Variants in IQCE observed in about 807,000 individuals in gnomAD.
IQCE encodes the protein IQ motif containing E.
Under a neutral mutation model 96.0 loss-of-function variants are expected in IQCE, and 115 were observed. The observed-to-expected ratio is 1.20, with a 90% CI of 1.03 to 1.40. The LOEUF is 1.40. IQCE is among the 40% of genes most tolerant of loss of function. The pLI, the probability that IQCE is intolerant of heterozygous loss-of-function variation, is 0.00. For missense variants in IQCE, 1,041 were observed against 909.1 expected (o/e 1.15, Z -1.87); for synonymous variants, 412 against 371.2 (o/e 1.11, Z -1.26).
chr7:2,577,752 C>T (rs375424402), intron 6 of IQCE, among the ~76,000 whole-genome samples: 4,885 of 104,980 alleles, frequency 0.047, 121 homozygotes, highest in Admixed American at 0.08. Context: ...TTGGCGTGTG[C>T]GTGGCTGTGC....
chr7:2,595,043 C>T (rs897041736), intron 16 of IQCE, 67 bp downstream of exon 16: 35 of 1,113,702 alleles, frequency 3.1e-5, no homozygotes, highest in Admixed American at 8.5e-5. Flanking sequence ...CGGTTCTGAC[C>T]GTTTCCCTGT....
Position 2,587,808 on chromosome 7 carries a change from A to G in IQCE, c.989-14A>G. On this transcript the variant is annotated splice_polypyrimidine_tract_variant and intron_variant, in intron 12 of 21. Coordinates refer to ENST00000402050, the MANE Select transcript of IQCE (RefSeq NM_152558.5). The stretch of plus-strand genomic sequence containing the variant: ...CACCAGGATGCCGTTTTGAAACCGC[A>G]TTGCTTCCATCAGGTTATGTGGAGT... The G allele has an allele frequency of 6.2e-7, 1 of 1,613,792 alleles. No homozygotes were observed. The highest frequency in any genetic ancestry group is 8.5e-7 in the Non-Finnish European group (1 of 1,179,816).
At chr7:2,561,656 C>T (rs369114093) in intron 1 of IQCE, among the ~76,000 whole-genome samples, 10 of 151,502 alleles carry the variant, frequency 6.6e-5, no homozygotes, top group African/African-American at 2.4e-4. Flanking sequence ...CTCCTGACCT[C>T]GTGATGCACC....
At chr7:2,572,071 C>A in intron 4 of IQCE, 121 bp from the exon 5 acceptor site, 1 of 1,078,422 alleles carries the variant, frequency 9.3e-7, no homozygotes, top group Non-Finnish European at 1.4e-6. Context: ...CAGCACGACA[C>A]TGACGGCTGG....
intron 14 of IQCE, among the ~76,000 whole-genome samples, chr7:2,592,205 T>G (rs1011164092): frequency 1.3e-5 from 2 of 152,182 alleles, no homozygotes; most frequent in Admixed American, 1.3e-4. Flanking sequence ...ACCACTGTCC[T>G]TACCCCTCAC....
intron 16 of IQCE, among the ~76,000 whole-genome samples, chr7:2,595,352 C>T (rs1329987106): frequency 6.6e-6 from 1 of 152,162 alleles, no homozygotes; most frequent in Non-Finnish European, 1.5e-5. Flanking sequence ...TGCGTCCTCT[C>T]CTCTCATCTA....
intron 9 of IQCE, among the ~76,000 whole-genome samples, chr7:2,583,395 C>G (rs1469725310): frequency 6.6e-6 from 1 of 152,096 alleles, no homozygotes; most frequent in African/African-American, 2.4e-5. Context: ...TGTTTACTCA[C>G]TTTGGAAAGT....
chr7:2,601,367 G>C, intron 17 of IQCE, 74 bp from the exon 18 acceptor site: 1 of 1,030,480 alleles, frequency 9.7e-7, no homozygotes. Context: ...CTGTTGGCAA[G>C]ATGAAGGAAT....
intron 6 of IQCE, among the ~76,000 whole-genome samples, chr7:2,576,535 G>A (rs771857853): frequency 2.0e-5 from 3 of 152,026 alleles, no homozygotes; most frequent in Non-Finnish European, 4.4e-5. Flanking sequence ...AAGTAGCTGG[G>A]ATTACAGGTG....
intron 9 of IQCE, 139 bp downstream of exon 9, chr7:2,582,789 TTTTAA>T: frequency 1.5e-6 from 1 of 647,564 alleles, no homozygotes; most frequent in South Asian, 1.9e-5. Flanking sequence ...AGCTGCCTCT[TTTTAA>T]TTTTTTTATT....
intron 17 of IQCE, 109 bp from the exon 18 acceptor site, chr7:2,601,332 G>A (rs1784416059): frequency 1.3e-6 from 1 of 755,038 alleles, no homozygotes; most frequent in Non-Finnish European, 2.3e-6. Flanking sequence ...AGGGCAGCCA[G>A]GCCTCTTGTT....
chr7:2,573,325 T>A lies in IQCE; in HGVS notation c.395-93T>A, dbSNP rs1781891179. On this transcript the variant is annotated intron_variant, in intron 5 of 21. Transcript: ENST00000402050. ...TATTTTCTTCTTTTTTAAAAGGAAA[T>A]GTTACTAACTTCCAGGTTTTCCTTA... 4 of 682,978 alleles carry A rather than the reference T, an allele frequency of 5.9e-6. No homozygotes were observed. The East Asian group carries it at 1.1e-4, about 18-fold the overall frequency. The allele number at this position is 682,978 out of a possible 1,614,324, so 42.3% of individuals were successfully genotyped here.
At chr7:2,587,903 T>G in intron 13 of IQCE, 26 bp downstream of exon 13, 1 of 1,608,780 alleles carries the variant, frequency 6.2e-7, no homozygotes, top group South Asian at 1.1e-5. Flanking sequence ...AGTGCCACTG[T>G]CGTTGGGGAC....
chr7:2,611,089 C>A lies in IQCE; in HGVS notation c.*927C>A, dbSNP rs114590337. On this transcript the variant is annotated 3_prime_UTR_variant, in exon 22 of 22. Coordinates refer to ENST00000402050, the MANE Select transcript of IQCE (RefSeq NM_152558.5). ...AGTCCCCGTCACCCCATGTGTGCGG[C>A]CTCTGCACTCCCAAGCTCCATGGCT... 1,764 of 123,796 alleles carry A rather than the reference C, an allele frequency of 0.014. 36 individuals carry two copies. The highest frequency in any genetic ancestry group is 0.052 in the African/African-American group (1,558 of 29,860). The allele number at this position is 123,796 out of a possible 1,614,324, so 7.7% of individuals were successfully genotyped here.
intron 3 of IQCE, among the ~76,000 whole-genome samples, chr7:2,570,984 G>A (rs1781713147): frequency 6.6e-6 from 1 of 152,138 alleles, no homozygotes; most frequent in African/African-American, 2.4e-5. Context: ...TATAATAAAT[G>A]TTGGTAGAAT....
At chr7:2,592,763 A>G (rs887815804) in intron 14 of IQCE, among the ~76,000 whole-genome samples, 1 of 152,082 alleles carries the variant, frequency 6.6e-6, no homozygotes, top group Non-Finnish European at 1.5e-5. Context: ...TCCTCATTCT[A>G]TGGCCTGATG....
chr7:2,578,197 C>T (rs777473684), intron 6 of IQCE, 45 bp from the exon 7 acceptor site: 45 of 1,460,194 alleles, frequency 3.1e-5, no homozygotes, highest in Non-Finnish European at 4.0e-5. Context: ...GCGGCGTGTG[C>T]GCAGCTTCGT....
At chr7:2,598,697 C>G in intron 17 of IQCE, 65 bp downstream of exon 17, 1 of 1,387,886 alleles carries the variant, frequency 7.2e-7, no homozygotes, top group Non-Finnish European at 9.5e-7. Context: ...GCAAGCCACT[C>G]ACTCTCCAGG....
chr7:2,565,939 A>G (rs753892123), intron 1 of IQCE, among the ~76,000 whole-genome samples: 1 of 151,854 alleles, frequency 6.6e-6, no homozygotes, highest in Non-Finnish European at 1.5e-5. Context: ...TATCCATGTT[A>G]TCATGCAGCC....
Sources: allele counts gnomAD v4.1 joint callset (sites outside exome capture counted in the v4.1 genomes callset), GRCh38; gene constraint gnomAD v4.1.1; transcripts MANE v1.5; gene names NCBI Gene and HGNC (gene_info 2026-07-23, HGNC 2026-07-21).